Variants in COBLL1 observed in about 807,000 individuals in gnomAD.
The protein encoded by COBLL1 is cordon-bleu WH2 repeat protein like 1, also known as cordon-bleu protein-like 1.
A neutral mutation model predicts 94.8 loss-of-function variants in COBLL1; 50 were observed. The ratio of observed to expected loss-of-function variants is 0.53; its 90% CI spans 0.42 to 0.67. The LOEUF (loss-of-function observed/expected upper bound fraction) is 0.67, where lower values mean the gene tolerates loss of function less well. COBLL1 is among the 30% of genes least tolerant of loss of function. The pLI is 0.00. For missense variants in COBLL1, 1,362 were observed against 1,348.7 expected (o/e 1.01, Z -0.15); for synonymous variants, 448 against 473.8 (o/e 0.95, Z 0.71).
At chr2:164,732,318 T>C (rs1321568017) in intron 3 of COBLL1, among the ~76,000 whole-genome samples, 2 of 152,218 alleles carry the variant, frequency 1.3e-5, no homozygotes, top group Admixed American at 6.5e-5. Flanking sequence ...CCCATAAATG[T>C]ATCTATATTG....
chr2:164,722,208 T>G lies in COBLL1; in HGVS notation c.863A>C (p.Asp288Ala), dbSNP rs1558952939. Residue 288 changes from aspartate (D) to alanine (A), a missense_variant, in exon 7 of 14, where the codon GAT becomes GCT. Transcript: ENST00000652658. ...KPYISNTLPSDAPKKRRAPLP... is the reference protein window; with the variant it reads ...KPYISNTLPSAAPKKRRAPLP... Reference sequence around the variant, plus strand: ...TGGAGCCCGCCTCTTCTTGGGTGCATCCGACGGCAGGGTGTTGGAAATATA... The same window carrying G: ...TGGAGCCCGCCTCTTCTTGGGTGCAGCCGACGGCAGGGTGTTGGAAATATA... 1 of 1,614,086 alleles carries G rather than the reference T, an allele frequency of 6.2e-7. No individual in the cohort carries two copies.
chr2:164,838,224 T>C (rs1177068834), intron 2 of COBLL1, among the ~76,000 whole-genome samples: 1 of 152,202 alleles, frequency 6.6e-6, no homozygotes, highest in Non-Finnish European at 1.5e-5. Context: ...ATTCACAATG[T>C]CGTAGAATGC....
chr2:164,763,231 T>C (rs1037536324), intron 2 of COBLL1, among the ~76,000 whole-genome samples: 1 of 152,164 alleles, frequency 6.6e-6, no homozygotes, highest in South Asian at 2.1e-4. Context: ...TTTAAAATCC[T>C]TAGTTTTATG....
chr2:164,792,629 C>T (rs1483396323), intron 2 of COBLL1, among the ~76,000 whole-genome samples: 1 of 152,096 alleles, frequency 6.6e-6, no homozygotes, highest in Non-Finnish European at 1.5e-5. Context: ...TTGAGTAGTA[C>T]CAATCAAATA....
chr2:164,695,503 C>T lies in COBLL1; in HGVS notation c.1889G>A (p.Cys630Tyr). The T allele has an allele frequency of 1.2e-6, 2 of 1,613,908 alleles. No individual in the cohort carries two copies. The highest frequency in any genetic ancestry group is 1.7e-6 in the Non-Finnish European group (2 of 1,179,914). The change falls in exon 12 of 14, where the codon TGT becomes TAT. Residue 630 changes from cysteine to tyrosine, a missense_variant. By Grantham distance (194) the Cys-to-Tyr change is radical. Coordinates refer to ENST00000652658, the MANE Select transcript of COBLL1 (RefSeq NM_001365672.2). ...TATGTTGTTATTTGAAGTTTGCACA[C>T]ATTCTTCAACTTTGGAGTCAGATAA... ...HNLSDSKVEE[C>Y]VQTSNNNIST...
intron 2 of COBLL1, among the ~76,000 whole-genome samples, chr2:164,815,042 T>C (rs1054185717): frequency 6.6e-6 from 1 of 152,188 alleles, no homozygotes. Context: ...CTGAAATCAC[T>C]AGTTTCTACT....
At chr2:164,827,091 C>G (rs755146818) in intron 2 of COBLL1, among the ~76,000 whole-genome samples, 126 of 152,200 alleles carry the variant, frequency 8.3e-4, no homozygotes, top group Non-Finnish European at 1.4e-3. Context: ...GCTGAGATTA[C>G]AGGCATGCAC....
At position 164,705,434 on chromosome 2, in the gene COBLL1, A is replaced by T. The variant is rs1177164124; in HGVS notation, c.997-329T>A. ...AATCTGGAGACATTAAAAGGAAGGGATGAAAAAGGGAACATTATTTGTATA... is the reference window on the plus strand; with the variant it reads ...AATCTGGAGACATTAAAAGGAAGGGTTGAAAAAGGGAACATTATTTGTATA... On this transcript the variant is annotated intron_variant, in intron 7 of 13. Coordinates refer to ENST00000652658, the MANE Select transcript of COBLL1 (RefSeq NM_001365672.2). 3 of 183,482 alleles carry T rather than the reference A, an allele frequency of 1.6e-5. No individual in the cohort carries two copies. The Admixed American group carries it at 1.9e-4, about 11-fold the overall frequency. 11.4% of individuals were successfully genotyped at this position (183,482 alleles called of 1,614,324 possible).
intron 9 of COBLL1, among the ~76,000 whole-genome samples, chr2:164,702,578 T>A (rs201435696): frequency 0.058 from 7,107 of 122,252 alleles, 287 homozygotes; most frequent in East Asian, 0.2. Context: ...AAAAAAAAAA[T>A]AATAATAATA....
rs1683141914 is a variant in COBLL1 at position 164,683,583 on chromosome 2, C to T, written c.*2363G>A. ...TTTTCAAACAGCAGTTTATAAAATACTACGAACACAATTGATGCCTCTTAT... is the reference window on the plus strand; with the variant it reads ...TTTTCAAACAGCAGTTTATAAAATATTACGAACACAATTGATGCCTCTTAT... On this transcript the variant is annotated 3_prime_UTR_variant, in exon 14 of 14. Transcript: ENST00000652658. 1 of 152,048 alleles carries T rather than the reference C, an allele frequency of 6.6e-6. No homozygotes were observed. The highest frequency in any genetic ancestry group is 2.1e-4 in the South Asian group (1 of 4,828). 9.4% of individuals were successfully genotyped at this position (152,048 alleles called of 1,614,324 possible). A position where few individuals can be genotyped will look rare whatever the true frequency, so the allele number is the denominator to read the frequency against.
In COBLL1 at chr2:164,684,689, T is replaced by C. The variant is rs73968219; in HGVS notation, c.*1257A>G. 2.9e-3 allele frequency: 434 copies of C among 152,234 alleles called. 2 individuals are homozygous for C. Among genetic ancestry groups the C allele is most frequent in the African/African-American group, 9.9e-3 (413 of 41,544 alleles). 9.4% of individuals were successfully genotyped at this position (152,234 alleles called of 1,614,324 possible). ...AATTTCTTGTTTGTTCACTGGCTAATAGAAATGTATGCATCAGGTAAGGGA... is the reference window on the plus strand; with the variant it reads ...AATTTCTTGTTTGTTCACTGGCTAACAGAAATGTATGCATCAGGTAAGGGA... On this transcript the variant is annotated 3_prime_UTR_variant, in exon 14 of 14. Transcript: ENST00000652658.
chr2:164,780,919 C>A (rs541219781), intron 2 of COBLL1, among the ~76,000 whole-genome samples: 1 of 152,284 alleles, frequency 6.6e-6, no homozygotes, highest in East Asian at 1.9e-4. Context: ...ACTAAGTCAA[C>A]TTTAGAACAG....
intron 2 of COBLL1, among the ~76,000 whole-genome samples, chr2:164,780,186 C>T (rs1339203889): frequency 6.6e-6 from 1 of 152,066 alleles, no homozygotes; most frequent in Non-Finnish European, 1.5e-5. Flanking sequence ...TCTCCTAGAT[C>T]CACATCTGTA....
rs1395145499 is a variant in COBLL1, at chr2:164,829,092, C to A, written c.41+12064G>T. ...GAAAAATAACGAATAAATAACATGACCCATAAATACCACTGGAAAGAACTG... is the reference window on the plus strand; with the variant it reads ...GAAAAATAACGAATAAATAACATGAACCATAAATACCACTGGAAAGAACTG... On this transcript the variant is annotated intron_variant, in intron 2 of 13. Coordinates refer to ENST00000652658, the MANE Select transcript of COBLL1 (RefSeq NM_001365672.2). 1.3e-5 allele frequency among the ~76,000 whole-genome samples: 2 copies of A among 152,114 alleles called. 1 individual carries two copies.
intron 2 of COBLL1, among the ~76,000 whole-genome samples, chr2:164,796,761 G>A (rs1683482774): frequency 6.7e-6 from 1 of 149,174 alleles, no homozygotes. Context: ...GATTGCTGAG[G>A]CCAGGAGTTT....
chr2:164,827,376 C>T (rs1039832912), intron 2 of COBLL1, among the ~76,000 whole-genome samples: 17 of 151,932 alleles, frequency 1.1e-4, no homozygotes, highest in Admixed American at 7.9e-4. Context: ...TGATTTCTAC[C>T]ATAATATTTG....
chr2:164,744,704 T>C (rs1163908132), intron 2 of COBLL1, among the ~76,000 whole-genome samples: 6 of 152,160 alleles, frequency 3.9e-5, no homozygotes, highest in Admixed American at 3.9e-4. Flanking sequence ...TATTTCCCAC[T>C]GCACATAGAT....
At chr2:164,746,306 A>C in intron 2 of COBLL1, among the ~76,000 whole-genome samples, 1 of 152,192 alleles carries the variant, frequency 6.6e-6, no homozygotes, top group East Asian at 1.9e-4. Context: ...TTAAAATACA[A>C]GTTAGAAGAC....
chr2:164,718,591 G>A (rs1685294221), intron 7 of COBLL1, among the ~76,000 whole-genome samples: 1 of 152,138 alleles, frequency 6.6e-6, no homozygotes, highest in African/African-American at 2.4e-5. Context: ...GAACTTGGTG[G>A]GGGATAGGGA....
Sources: gnomAD v4.1 joint callset for allele counts (sites outside exome capture counted in the v4.1 genomes callset) on GRCh38, gnomAD v4.1.1 for gene constraint, MANE v1.5 for transcripts, NCBI Gene and HGNC (gene_info 2026-07-23, HGNC 2026-07-21) for gene names.